TRPM6: variants seen among roughly 807,000 people sequenced by gnomAD.
The protein encoded by TRPM6 is transient receptor potential cation channel subfamily M member 6.
In TRPM6, 111 loss-of-function variants were observed where a neutral mutation model predicts 247.6. The ratio of observed to expected loss-of-function variants is 0.45; its 90% CI spans 0.38 to 0.52. The LOEUF (loss-of-function observed/expected upper bound fraction) is 0.52. Among genes scored for constraint, TRPM6 ranks in the 20% least tolerant of loss-of-function variants. TRPM6 has a pLI of 0.00. For synonymous variants in TRPM6, 892 were observed against 853.8 expected (o/e 1.04, Z -0.78); for missense variants, 2,126 against 2,421.5 (o/e 0.88, Z 2.56).
chr9:74,820,560 G>A (rs1829102304), intron 8 of TRPM6, 133 bp from the exon 9 acceptor site: 9 of 1,106,162 alleles, frequency 8.1e-6, no homozygotes, highest in African/African-American at 6.2e-5. Flanking sequence ...AAGAGCAAAT[G>A]AGGGGGAGCA....
chr9:74,776,882 A>G (rs1311708767), intron 23 of TRPM6, among the ~76,000 whole-genome samples: 1 of 152,198 alleles, frequency 6.6e-6, no homozygotes, highest in East Asian at 1.9e-4. Flanking sequence ...CAGTGTCAAA[A>G]TTTTAGTTTA....
At chr9:74,793,801 A>C (rs974101895) in intron 18 of TRPM6, among the ~76,000 whole-genome samples, 1 of 152,150 alleles carries the variant, frequency 6.6e-6, no homozygotes, top group African/African-American at 2.4e-5. Context: ...ATGTGCAAGT[A>C]TTTGTGTTGT....
At chr9:74,825,664 G>A (rs1307645777) in intron 7 of TRPM6, among the ~76,000 whole-genome samples, 1 of 152,012 alleles carries the variant, frequency 6.6e-6, no homozygotes, top group African/African-American at 2.4e-5. Context: ...GCAAGCTCAG[G>A]GTTGTTGCAT....
chr9:74,808,774 A>T (rs1828624160), intron 13 of TRPM6, among the ~76,000 whole-genome samples: 1 of 152,264 alleles, frequency 6.6e-6, no homozygotes, highest in African/African-American at 2.4e-5. Context: ...GAAGTAGAAC[A>T]AATGAAAACA....
Position 74,860,955 on chromosome 9 carries a change from C to T in TRPM6, c.34-2207G>A, listed in dbSNP as rs7036379. Among the ~76,000 whole-genome samples the T allele has an allele frequency of 1.6e-4, 25 of 152,088 alleles. No homozygotes were observed. In the South Asian group the frequency reaches 2.3e-3, roughly 14 times the overall value. On this transcript the variant is annotated intron_variant, in intron 1 of 38. Coordinates refer to ENST00000360774, the MANE Select transcript of TRPM6 (RefSeq NM_017662.5). ...GAGGATTGCTTAAGCCCAAGGAAGT[C>T]GAGGCTGCAGTGAGCCATGATTGTG...
At chr9:74,883,369 T>C (rs1831425702) in intron 1 of TRPM6, among the ~76,000 whole-genome samples, 1 of 152,166 alleles carries the variant, frequency 6.6e-6, no homozygotes, top group Admixed American at 6.5e-5. Flanking sequence ...AGAGATGTGA[T>C]TGTATATTTG....
intron 37 of TRPM6, among the ~76,000 whole-genome samples, chr9:74,731,518 T>C (rs1825520505): frequency 6.6e-6 from 1 of 151,864 alleles, no homozygotes; most frequent in African/African-American, 2.4e-5. Flanking sequence ...CTAGTTCACC[T>C]AGTCCAATTA....
chr9:74,860,811 A>G (rs773669294), intron 1 of TRPM6, among the ~76,000 whole-genome samples: 1 of 152,206 alleles, frequency 6.6e-6, no homozygotes, highest in Non-Finnish European at 1.5e-5. Flanking sequence ...TGAGCCCAGG[A>G]CTTCCAGACC....
chr9:74,874,788 CTG>C (rs1223751346), intron 1 of TRPM6, among the ~76,000 whole-genome samples: 8 of 149,378 alleles, frequency 5.4e-5, no homozygotes, highest in African/African-American at 2.0e-4. Context: ...CAATGTCTCA[CTG>C]TGTCACCCAG....
chr9:74,791,197 C>A (rs576330289), intron 19 of TRPM6, among the ~76,000 whole-genome samples: 6 of 152,112 alleles, frequency 3.9e-5, no homozygotes, highest in African/African-American at 1.4e-4. Context: ...TATGTTGTTG[C>A]GCATTACAAA....
chr9:74,842,430 G>T, intron 3 of TRPM6, 87 bp from the exon 4 acceptor site: 2 of 1,302,708 alleles, frequency 1.5e-6, no homozygotes, highest in South Asian at 1.2e-5. Context: ...ATGTATAGAT[G>T]CCATATACTA....
chr9:74,756,865 A>T (rs1478948164), intron 27 of TRPM6, among the ~76,000 whole-genome samples: 2 of 151,570 alleles, frequency 1.3e-5, no homozygotes. Flanking sequence ...AAAAAAAATT[A>T]AGAAGGAAGT....
At chr9:74,742,522 G>A in intron 33 of TRPM6, 39 bp downstream of exon 33, 1 of 1,576,174 alleles carries the variant, frequency 6.3e-7, no homozygotes, top group Non-Finnish European at 8.7e-7. Context: ...TTATGCCTCT[G>A]TCCTGGCATA....
intron 11 of TRPM6, among the ~76,000 whole-genome samples, chr9:74,814,496 C>A (rs974670078): frequency 6.6e-6 from 1 of 151,916 alleles, no homozygotes; most frequent in African/African-American, 2.4e-5. Flanking sequence ...GGGATGGATA[C>A]CTCATTTACT....
Position 74,754,550 on chromosome 9 carries a change from TAAAATCACCCCTTGGTTGAG to T in TRPM6, c.4906+783_4906+802del, listed in dbSNP as rs1826372494. On this transcript the variant is annotated intron_variant, in intron 28 of 38. Coordinates refer to ENST00000360774, the MANE Select transcript of TRPM6 (RefSeq NM_017662.5). The stretch of plus-strand genomic sequence containing the variant: ...CCACGGGGAAAGTGAAGGGAACGTG[TAAAATCACCCCTTGGTTGAG>T]AACCATTTACCATATGAACAAGCAG... Among the ~76,000 whole-genome samples, 3 of 152,184 alleles carry T rather than the reference TAAAATCACCCCTTGGTTGAG, an allele frequency of 2.0e-5. No individual in the cohort carries two copies. The South Asian group carries it at 6.2e-4, about 31-fold the overall frequency.
chr9:74,826,736 C>CTTTTTTTTTTTTTTTT (rs561369498), intron 7 of TRPM6: 8 of 52,070 alleles, frequency 1.5e-4, no homozygotes, highest in Non-Finnish European at 3.4e-4. Flanking sequence ...CTTTTTCTTT[C>CTTTTTTTTTTTTTTTT]TTTTTTTTTT....
intron 30 of TRPM6, among the ~76,000 whole-genome samples, chr9:74,748,261 T>A (rs1263121508): frequency 1.3e-5 from 2 of 152,252 alleles, no homozygotes; most frequent in Non-Finnish European, 2.9e-5. Flanking sequence ...TACATACAAC[T>A]ATGTACAGCA....
At chr9:74,774,193 T>C (rs549840916) in intron 24 of TRPM6, among the ~76,000 whole-genome samples, 1 of 152,340 alleles carries the variant, frequency 6.6e-6, no homozygotes, top group African/African-American at 2.4e-5. Context: ...TTTTAAACTT[T>C]ACTTGAGTTT....
intron 23 of TRPM6, among the ~76,000 whole-genome samples, chr9:74,780,387 G>A (rs1035112157): frequency 2.6e-5 from 4 of 151,870 alleles, no homozygotes; most frequent in Admixed American, 6.6e-5. Context: ...CTGGGAGGCA[G>A]AGGTTGCAGT....
Sources: allele counts gnomAD v4.1 joint callset (sites outside exome capture counted in the v4.1 genomes callset), GRCh38; gene constraint gnomAD v4.1.1; transcripts MANE v1.5; gene names NCBI Gene and HGNC (gene_info 2026-07-23, HGNC 2026-07-21).